The following BMP5 variants were observed in gnomAD, a reference collection of about 807,000 sequenced individuals.
BMP5 encodes bone morphogenetic protein 5.
BMP5 carries 23 observed loss-of-function variants against 46.6 expected under a neutral mutation model. The ratio of observed to expected loss-of-function variants is 0.49; its 90% confidence interval spans 0.35 to 0.70. The LOEUF (loss-of-function observed/expected upper bound fraction) is 0.70, where lower values mean the gene tolerates loss of function less well. BMP5 is among the 30% of genes least tolerant of loss of function. BMP5 has a pLI of 0.00. For synonymous variants in BMP5, 204 were observed against 191.9 expected, an observed-to-expected ratio of 1.06 and a Z score of -0.52; for missense variants, 545 against 565.6, an observed-to-expected ratio of 0.96 and a Z score of 0.37.
intron 4 of BMP5, among the ~76,000 whole-genome samples, chr6:55,764,719 TAAA>T (rs530066820): frequency 8.8e-5 from 11 of 124,906 alleles, no homozygotes; most frequent in Non-Finnish European, 8.7e-5. Context: ...ATGTGTAAGC[TAAA>T]AAAAAAAAAA....
intron 1 of BMP5, among the ~76,000 whole-genome samples, chr6:55,842,629 G>C (rs62404965): frequency 1.3e-5 from 2 of 151,510 alleles, no homozygotes; most frequent in African/African-American, 4.9e-5. Flanking sequence ...CTTGCATTAC[G>C]CCGGCCCCTC....
chr6:55,822,055 A>G (rs1422760172), intron 1 of BMP5, among the ~76,000 whole-genome samples: 1 of 152,176 alleles, frequency 6.6e-6, no homozygotes, highest in Non-Finnish European at 1.5e-5. Flanking sequence ...ATAACAGCCT[A>G]CAAGGTAGGT....
At chr6:55,762,284 T>C (rs944590202) in intron 4 of BMP5, among the ~76,000 whole-genome samples, 2 of 152,136 alleles carry the variant, frequency 1.3e-5, no homozygotes, top group African/African-American at 4.8e-5. Context: ...TTTGTTAAAG[T>C]GTCACCTTCC....
chr6:55,820,624 C>T (rs1776384537), intron 1 of BMP5, among the ~76,000 whole-genome samples: 1 of 152,032 alleles, frequency 6.6e-6, no homozygotes, highest in Non-Finnish European at 1.5e-5. Context: ...CACTATGTTA[C>T]CTAGACTGGT....
At chr6:55,818,368 T>G (rs1279886151) in intron 2 of BMP5, among the ~76,000 whole-genome samples, 1 of 152,152 alleles carries the variant, frequency 6.6e-6, no homozygotes, top group Non-Finnish European at 1.5e-5. Context: ...ACAAAGTTTT[T>G]CTGGCTCTCA....
intron 2 of BMP5, among the ~76,000 whole-genome samples, chr6:55,817,427 A>T (rs537747507): frequency 1.7e-4 from 26 of 152,352 alleles, no homozygotes; most frequent in African/African-American, 6.0e-4. Context: ...GCCATAAAAA[A>T]TGATGAGTTC....
At chr6:55,761,249 C>T (rs1774769616) in intron 4 of BMP5, among the ~76,000 whole-genome samples, 1 of 152,094 alleles carries the variant, frequency 6.6e-6, no homozygotes, top group South Asian at 2.1e-4. Flanking sequence ...TGGTCCAAGA[C>T]ACCATCATCT....
At chr6:55,808,186 A>G (rs570711287) in intron 2 of BMP5, among the ~76,000 whole-genome samples, 1 of 152,160 alleles carries the variant, frequency 6.6e-6, no homozygotes, top group Non-Finnish European at 1.5e-5. Context: ...TTGGAGTTTT[A>G]GAAGCTCCTG....
intron 3 of BMP5, among the ~76,000 whole-genome samples, chr6:55,779,012 G>A (rs989851662): frequency 6.6e-6 from 1 of 151,946 alleles, no homozygotes; most frequent in African/African-American, 2.4e-5. Context: ...CAGACTCACC[G>A]GTTTTGTATT....
chr6:55,759,738 T>C (rs1186904372), intron 5 of BMP5, among the ~76,000 whole-genome samples: 2 of 151,932 alleles, frequency 1.3e-5, no homozygotes, highest in African/African-American at 4.8e-5. Context: ...AGCTAAAGAA[T>C]TGGTACATGA....
At chr6:55,780,310 A>T (rs1396250027) in intron 3 of BMP5, among the ~76,000 whole-genome samples, 7 of 151,374 alleles carry the variant, frequency 4.6e-5, no homozygotes, top group Non-Finnish European at 7.4e-5. Flanking sequence ...ATGAGTTGAG[A>T]GTTTTCTGTG....
intron 1 of BMP5, among the ~76,000 whole-genome samples, chr6:55,836,830 T>C (rs1017684244): frequency 1.3e-5 from 2 of 152,128 alleles, no homozygotes; most frequent in Non-Finnish European, 2.9e-5. Context: ...GTTCCTTGAA[T>C]CTATCTCAAA....
chr6:55,847,870 A>G (rs1387949159), intron 1 of BMP5, among the ~76,000 whole-genome samples: 1 of 151,950 alleles, frequency 6.6e-6, no homozygotes, highest in Non-Finnish European at 1.5e-5. Context: ...TACTAGGGAA[A>G]ATAGTATCAC....
At chr6:55,762,330 G>T (rs1164963167) in intron 4 of BMP5, among the ~76,000 whole-genome samples, 2 of 152,014 alleles carry the variant, frequency 1.3e-5, no homozygotes, top group Admixed American at 6.6e-5. Context: ...GAAAGTGTAG[G>T]CAAGTTAGAG....
intron 1 of BMP5, among the ~76,000 whole-genome samples, chr6:55,835,425 A>C (rs1776769873): frequency 6.6e-6 from 1 of 152,202 alleles, no homozygotes; most frequent in Non-Finnish European, 1.5e-5. Context: ...GACTTGGTTA[A>C]GCAATACTGT....
chr6:55,774,283 A>G (rs1186211655), intron 3 of BMP5, 40 bp from the exon 4 acceptor site: 6 of 1,574,848 alleles, frequency 3.8e-6, no homozygotes, highest in Non-Finnish European at 5.2e-6. Context: ...ATGAAAAAGA[A>G]AGAACAATTA....
At chr6:55,789,938 A>T (rs1775537020) in intron 3 of BMP5, among the ~76,000 whole-genome samples, 1 of 152,146 alleles carries the variant, frequency 6.6e-6, no homozygotes, top group Non-Finnish European at 1.5e-5. Flanking sequence ...CATTTGTCAA[A>T]TTTCTAAAAA....
intron 1 of BMP5, among the ~76,000 whole-genome samples, chr6:55,822,893 T>C (rs1041909439): frequency 6.6e-6 from 1 of 152,108 alleles, no homozygotes; most frequent in African/African-American, 2.4e-5. Flanking sequence ...GAAGTTGCAT[T>C]GCAGACTTGT....
intron 2 of BMP5, among the ~76,000 whole-genome samples, chr6:55,817,699 A>T (rs2127537782): frequency 6.6e-6 from 1 of 152,216 alleles, no homozygotes; most frequent in East Asian, 1.9e-4. Flanking sequence ...ATGTATACAT[A>T]TGTAACGAAC....
Sources: gnomAD v4.1 joint callset for allele counts (sites outside exome capture counted in the v4.1 genomes callset) on GRCh38, gnomAD v4.1.1 for gene constraint, MANE v1.5 for transcripts, NCBI Gene and HGNC (gene_info 2026-07-23, HGNC 2026-07-21) for gene names.